The following SRC variants were observed in gnomAD, a reference collection of about 807,000 sequenced individuals.
The protein encoded by SRC is SRC proto-oncogene, non-receptor tyrosine kinase.
Under a neutral mutation model 62.9 loss-of-function variants are expected in SRC, and 13 were observed. That is an observed-to-expected ratio of 0.21 (90% CI 0.13 to 0.33). The LOEUF (loss-of-function observed/expected upper bound fraction) is 0.33. Among genes scored for constraint, SRC ranks in the 10% least tolerant of loss-of-function variants. The pLI is 1.00. For synonymous variants in SRC, 302 were observed against 317.5 expected, an observed-to-expected ratio of 0.95 and a Z score of 0.52; for missense variants, 457 against 737.3, an observed-to-expected ratio of 0.62 and a Z score of 4.40.
At position 37,382,800 on chromosome 20, in the gene SRC, C is replaced by T. The variant is rs1194651762; in HGVS notation, c.-5+14C>T. The T allele has an allele frequency of 2.0e-5, 3 of 152,162 alleles. No individual in the cohort carries two copies. The highest frequency in any genetic ancestry group is 4.4e-5 in the Non-Finnish European group (3 of 68,046). 9.4% of individuals were successfully genotyped at this position (152,162 alleles called of 1,614,324 possible). On this transcript the variant is annotated intron_variant, in intron 3 of 13. Coordinates refer to ENST00000373578, the MANE Select transcript of SRC (RefSeq NM_198291.3). ...GCCTTCTACCAGGTGAGATGATGGC[C>T]CTATCAGGGCTCAAGATGGGTGGGG...
chr20:37,370,243 A>G (rs1195633939), intron 2 of SRC, among the ~76,000 whole-genome samples: 1 of 152,120 alleles, frequency 6.6e-6, no homozygotes, highest in East Asian at 1.9e-4. Flanking sequence ...CCTTTATTAT[A>G]TTGGTATAGT....
At chr20:37,349,127 G>C (rs532171916) in intron 1 of SRC, among the ~76,000 whole-genome samples, 1 of 152,280 alleles carries the variant, frequency 6.6e-6, no homozygotes, top group Non-Finnish European at 1.5e-5. Context: ...CCAAGCTGGA[G>C]GCCAGAGGTA....
chr20:37,400,112 C>T lies in SRC; in HGVS notation c.860-3C>T. Reference sequence around the variant, plus strand: ...TGAGTCAGCCTGCATCCCTCCTCAACAGGGACCTGGAACGGTACCACCAGG... The same window carrying T: ...TGAGTCAGCCTGCATCCCTCCTCAATAGGGACCTGGAACGGTACCACCAGG... On this transcript the variant is annotated splice_region_variant and splice_polypyrimidine_tract_variant and intron_variant, in intron 9 of 13. Transcript: ENST00000373578. The T allele has an allele frequency of 3.8e-6, 6 of 1,599,544 alleles. No individual in the cohort carries two copies. The highest frequency in any genetic ancestry group is 5.1e-6 in the Non-Finnish European group (6 of 1,171,652).
chr20:37,351,933 C>T lies in SRC; in HGVS notation c.-247+5678C>T, dbSNP rs1452787397. 6.6e-6 allele frequency among the ~76,000 whole-genome samples: 1 copy of T among 152,172 alleles called. No homozygotes were observed. The highest frequency in any genetic ancestry group is 1.5e-5 in the Non-Finnish European group (1 of 68,028). On this transcript the variant is annotated intron_variant, in intron 1 of 13. Transcript: ENST00000373578. This position sits in a 1 kb window ranked among gnomAD's most constrained non-coding sequence, Gnocchi z 4.4. Reference sequence around the variant, plus strand: ...ACTTTTCCCAGGTATAGGAGGGGTGCGGTGCTGGGGGCAGGTGACCCTGAC... The same window carrying T: ...ACTTTTCCCAGGTATAGGAGGGGTGTGGTGCTGGGGGCAGGTGACCCTGAC...
intron 1 of SRC, among the ~76,000 whole-genome samples, chr20:37,353,618 A>C (rs540356297): frequency 6.6e-6 from 1 of 152,274 alleles, no homozygotes; most frequent in East Asian, 1.9e-4. Context: ...TCATGCTCAC[A>C]GCAGCCTCGC....
At chr20:37,375,514 A>G (rs1196912191) in intron 2 of SRC, among the ~76,000 whole-genome samples, 1 of 152,126 alleles carries the variant, frequency 6.6e-6, no homozygotes, top group Admixed American at 6.5e-5. Flanking sequence ...TTGGGATTAC[A>G]TGCATGAGCC....
chr20:37,403,450 C>G lies in SRC; in HGVS notation c.*71C>G, dbSNP rs2070775144. 1 of 1,456,862 alleles carries G rather than the reference C, an allele frequency of 6.9e-7. No homozygotes were observed. Among genetic ancestry groups the G allele is most frequent in the East Asian group, 2.5e-5 (1 of 40,180 alleles). The allele number at this position is 1,456,862 out of a possible 1,614,324, so 90.2% of individuals were successfully genotyped here. A position where few individuals can be genotyped will look rare whatever the true frequency, so the allele number is the denominator to read the frequency against. Reference sequence around the variant, plus strand: ...GGTGGCCCCTGTCTCGGGGCTTGCCCCACTCTGCCTGCCTGCTGTTGGTCC... The same window carrying G: ...GGTGGCCCCTGTCTCGGGGCTTGCCGCACTCTGCCTGCCTGCTGTTGGTCC... On this transcript the variant is annotated 3_prime_UTR_variant, in exon 14 of 14. Coordinates refer to ENST00000373578, the MANE Select transcript of SRC (RefSeq NM_198291.3). The surrounding 1 kb of genome is among the most constrained non-coding windows in gnomAD (Gnocchi z 7.1).
chr20:37,365,751 T>C (rs1846028628), intron 2 of SRC, among the ~76,000 whole-genome samples: 1 of 151,986 alleles, frequency 6.6e-6, no homozygotes. Flanking sequence ...ACCCAGCCAG[T>C]TATTTATTTT....
chr20:37,389,847 T>C (rs1478226324), intron 5 of SRC, among the ~76,000 whole-genome samples: 1 of 152,120 alleles, frequency 6.6e-6, no homozygotes, highest in Non-Finnish European at 1.5e-5. Context: ...CTCTTGGCCC[T>C]TCTTCTAGCC....
intron 10 of SRC, among the ~76,000 whole-genome samples, chr20:37,400,859 G>T (rs966688211): frequency 6.6e-6 from 1 of 152,022 alleles, no homozygotes; most frequent in Admixed American, 6.6e-5. Context: ...CATGCCCTTT[G>T]CAGACAGTAC....
At chr20:37,389,914 G>GC (rs2070518996) in intron 5 of SRC, among the ~76,000 whole-genome samples, 1 of 152,170 alleles carries the variant, frequency 6.6e-6, no homozygotes, top group Admixed American at 6.5e-5. Context: ...TGAGGACCAG[G>GC]CCCGGGGGAA....
Position 37,402,278 on chromosome 20 carries a change from C to T in SRC, c.1117-157C>T, listed in dbSNP as rs939485083. ...TCCCGCAGAGCACTGCTCCTGCTTT[C>T]GATGCCAACAGCATTTACTGTGAAC... On this transcript the variant is annotated intron_variant, in intron 11 of 13. Coordinates refer to ENST00000373578, the MANE Select transcript of SRC (RefSeq NM_198291.3). This position sits in a 1 kb window ranked among gnomAD's most constrained non-coding sequence, Gnocchi z 6.2. 26 of 846,582 alleles carry T rather than the reference C, an allele frequency of 3.1e-5. No individual in the cohort carries two copies. The highest frequency in any genetic ancestry group is 8.6e-5 in the Admixed American group (3 of 34,886). 52.4% of individuals were successfully genotyped at this position (846,582 alleles called of 1,614,324 possible).
At chr20:37,387,223 G>A (rs2147065085) in intron 5 of SRC, among the ~76,000 whole-genome samples, 1 of 152,340 alleles carries the variant, frequency 6.6e-6, no homozygotes, top group South Asian at 2.1e-4. Flanking sequence ...TCTTCCCTTT[G>A]CCTGAAATGC....
rs2070424219 is a variant in SRC at position 37,384,728 on chromosome 20, G to C, written c.250+325G>C. On this transcript the variant is annotated intron_variant, in intron 4 of 13. Transcript: ENST00000373578. This position sits in a 1 kb window ranked among gnomAD's most constrained non-coding sequence, Gnocchi z 6.7. ...CTGCCTTGGCGCCCAGTCCTTTTTC[G>C]TTGCCTGGGTCCGCCCAGAGATGAG... is the stretch of plus-strand genomic sequence containing the variant. Among the ~76,000 whole-genome samples the C allele has an allele frequency of 6.6e-6, 1 of 152,162 alleles. No homozygotes were observed. The highest frequency in any genetic ancestry group is 1.5e-5 in the Non-Finnish European group (1 of 68,012).
rs982325205 is a variant in SRC at position 37,394,481 on chromosome 20, G to T, written c.553+204G>T. 2.6e-5 allele frequency among the ~76,000 whole-genome samples: 4 copies of T among 152,180 alleles called. No homozygotes were observed. In the South Asian group the frequency reaches 8.3e-4, roughly 32 times the overall value. ...TGGCCAGATGTCCAGAGAAAGATGA[G>T]GCTTAGTCTCTCTGGCCTCAGTTTT... On this transcript the variant is annotated intron_variant, in intron 7 of 13. Coordinates refer to ENST00000373578, the MANE Select transcript of SRC (RefSeq NM_198291.3).
rs1294738673 is a variant in SRC at position 37,394,296 on chromosome 20, G to A, written c.553+19G>A. ...ACGAAAGGTACGAGCGCTCTTGCTG[G>A]CCAACGGATACTGAGTCTTCTGTGA... is the stretch of plus-strand genomic sequence containing the variant. On this transcript the variant is annotated intron_variant, in intron 7 of 13. Transcript: ENST00000373578. The A allele has an allele frequency of 6.2e-6, 10 of 1,604,960 alleles. No individual in the cohort carries two copies. Among genetic ancestry groups the A allele is most frequent in the Non-Finnish European group, 8.5e-6 (10 of 1,172,336 alleles).
rs548578623 is a variant in SRC at position 37,351,172 on chromosome 20, T to G, written c.-247+4917T>G. Among the ~76,000 whole-genome samples the G allele has an allele frequency of 2.1e-3, 320 of 152,276 alleles. 2 individuals are homozygous for G. Among genetic ancestry groups the G allele is most frequent in the Middle Eastern group, 6.8e-3 (2 of 294 alleles). ...CTCTGGGTCCTTGGGCAAGTGACTTTCCCCCAACTTTGGTCCATTTGGTCC... is the reference window on the plus strand; with the variant it reads ...CTCTGGGTCCTTGGGCAAGTGACTTGCCCCCAACTTTGGTCCATTTGGTCC... On this transcript the variant is annotated intron_variant, in intron 1 of 13. Coordinates refer to ENST00000373578, the MANE Select transcript of SRC (RefSeq NM_198291.3). This position sits in a 1 kb window ranked among gnomAD's most constrained non-coding sequence, Gnocchi z 4.4.
intron 2 of SRC, among the ~76,000 whole-genome samples, chr20:37,374,303 C>A (rs193149188): frequency 6.6e-6 from 1 of 152,228 alleles, no homozygotes; most frequent in African/African-American, 2.4e-5. Flanking sequence ...TGGTCTTGAA[C>A]TCCTGACCTC....
Position 37,396,678 on chromosome 20 carries a change from T to G in SRC, c.703+367T>G. On this transcript the variant is annotated intron_variant, in intron 8 of 13. Transcript: ENST00000373578. This position sits in a 1 kb window ranked among gnomAD's most constrained non-coding sequence, Gnocchi z 6.1. ...TGTCTCTGTAGCCCTAGGACCGGTC[T>G]GAACCGGTTGCTGGGAGAGGAGGAG... 1.6e-4 allele frequency: 35 copies of G among 223,972 alleles called. No individual in the cohort carries two copies. The highest frequency in any genetic ancestry group is 6.3e-4 in the East Asian group (6 of 9,568). 13.9% of individuals were successfully genotyped at this position (223,972 alleles called of 1,614,324 possible).
Sources: allele counts gnomAD v4.1 joint callset (sites outside exome capture counted in the v4.1 genomes callset), GRCh38; gene constraint gnomAD v4.1.1; non-coding constraint Gnocchi (gnomAD v3.1); transcripts MANE v1.5; gene names NCBI Gene and HGNC (gene_info 2026-07-23, HGNC 2026-07-21).